PHAX: variants seen among roughly 807,000 people sequenced by gnomAD.
PHAX encodes phosphorylated adapter RNA export protein.
Under a neutral mutation model 41.6 loss-of-function variants are expected in PHAX, and 31 were observed. The ratio of observed to expected loss-of-function variants is 0.75; its 90% CI spans 0.56 to 1.01. PHAX has a LOEUF of 1.01. Ranked by LOEUF, PHAX falls within the 50% of genes least tolerant of loss-of-function variation. The probability of loss-of-function intolerance (pLI) is 0.00; values close to 1 mark genes in which losing one functional copy is unlikely to be tolerated. For synonymous variants in PHAX, 175 were observed against 164.9 expected, an observed-to-expected ratio of 1.06 and a Z score of -0.47; for missense variants, 453 against 472.9, an observed-to-expected ratio of 0.96 and a Z score of 0.39.
intron 1 of PHAX, among the ~76,000 whole-genome samples, chr5:126,601,277 C>T (rs972931575): frequency 3.3e-5 from 5 of 152,160 alleles, no homozygotes; most frequent in African/African-American, 1.2e-4. Context: ...CGAGGGGCGA[C>T]GGCGGCAGCG....
chr5:126,623,913 G>A (rs1253345299), intron 4 of PHAX, among the ~76,000 whole-genome samples: 5 of 151,628 alleles, frequency 3.3e-5, no homozygotes, highest in African/African-American at 1.2e-4. Context: ...TTAAACCTTT[G>A]AACCGTCTCT....
At chr5:126,604,784 C>T (rs1054568129) in intron 2 of PHAX, among the ~76,000 whole-genome samples, 3 of 151,968 alleles carry the variant, frequency 2.0e-5, no homozygotes, top group African/African-American at 4.8e-5. Flanking sequence ...GCTTGTAATC[C>T]CAGCACTTTG....
In PHAX at chr5:126,624,643, A is replaced by G. The variant is rs756123790; in HGVS notation, c.984A>G (p.Gln328=). ...NKKAARKRRT[Q]VLGKKMKQAI... ...AAGCTGCTAGGAAGAGGAGAACACA[A>G]GTGTTGGGGAAAAAGATGAAACAAG... Residue 328 remains glutamine (Q), a synonymous_variant, in exon 5 of 5, where the codon CAA becomes CAG. Coordinates refer to ENST00000297540, the MANE Select transcript of PHAX (RefSeq NM_032177.4). The G allele has an allele frequency of 6.8e-6, 11 of 1,613,390 alleles. No individual in the cohort carries two copies. Among genetic ancestry groups the G allele is most frequent in the Non-Finnish European group, 9.3e-6 (11 of 1,179,386 alleles).
chr5:126,613,509 C>G (rs1752137454), intron 3 of PHAX, among the ~76,000 whole-genome samples: 1 of 151,938 alleles, frequency 6.6e-6, no homozygotes, highest in Non-Finnish European at 1.5e-5. Context: ...AACCTTATCT[C>G]TACCAAAAAA....
At chr5:126,602,690 G>T (rs1006870508) in intron 1 of PHAX, among the ~76,000 whole-genome samples, 57 of 152,142 alleles carry the variant, frequency 3.7e-4, no homozygotes, top group African/African-American at 1.3e-3. Flanking sequence ...ACTTAATGCC[G>T]TGGACTCTGG....
intron 3 of PHAX, 146 bp from the exon 4 acceptor site, chr5:126,617,104 G>T (rs1174709515): frequency 4.4e-6 from 2 of 457,664 alleles, no homozygotes; most frequent in East Asian, 3.4e-5. Context: ...ATTTACTCAT[G>T]TTACCTATTT....
At chr5:126,609,802 C>T (rs1421563591) in intron 3 of PHAX, among the ~76,000 whole-genome samples, 11 of 151,944 alleles carry the variant, frequency 7.2e-5, no homozygotes, top group East Asian at 3.9e-4. Context: ...TGCAGTGGCA[C>T]GATCTCAGCT....
intron 4 of PHAX, 48 bp downstream of exon 4, chr5:126,617,381 T>TAA (rs1172078431): frequency 9.2e-7 from 1 of 1,092,852 alleles, no homozygotes; most frequent in East Asian, 2.4e-5. Context: ...ATTTGACTTC[T>TAA]ACTCACCCTC....
At chr5:126,603,499 A>G (rs1038855801) in intron 1 of PHAX, 71 bp from the exon 2 acceptor site, 2 of 1,501,868 alleles carry the variant, frequency 1.3e-6, no homozygotes, top group African/African-American at 2.8e-5. Context: ...TTGAATCTCT[A>G]AATTTTTAAA....
intron 2 of PHAX, among the ~76,000 whole-genome samples, chr5:126,605,011 G>T (rs1387306091): frequency 6.6e-6 from 1 of 151,714 alleles, no homozygotes; most frequent in Non-Finnish European, 1.5e-5. Flanking sequence ...TCCAGCCTGG[G>T]TGACAGAACT....
At chr5:126,607,949 C>T (rs1283060665) in intron 2 of PHAX, among the ~76,000 whole-genome samples, 1 of 152,098 alleles carries the variant, frequency 6.6e-6, no homozygotes, top group Non-Finnish European at 1.5e-5. Flanking sequence ...AGGGAAAGGT[C>T]CTATCCCATT....
chr5:126,615,435 G>T (rs1372740881), intron 3 of PHAX, among the ~76,000 whole-genome samples: 3 of 148,722 alleles, frequency 2.0e-5, no homozygotes, highest in African/African-American at 5.0e-5. Flanking sequence ...ACATTGCTTT[G>T]TTTCAGCTTC....
Position 126,624,612 on chromosome 5 carries a change from A to T in PHAX, c.953A>T (p.Asn318Ile), listed in dbSNP as rs1581424381. The change falls in exon 5 of 5, where the codon AAT becomes ATT. Residue 318 changes from asparagine to isoleucine, a missense_variant. Transcript: ENST00000297540. Reference sequence around the variant, plus strand: ...ATTGAAAACCAAAAGGAATATGAAAATAAAAAAGCTGCTAGGAAGAGGAGA... The same window carrying T: ...ATTGAAAACCAAAAGGAATATGAAATTAAAAAAGCTGCTAGGAAGAGGAGA... ...FYIENQKEYENKKAARKRRTQ... is the reference protein window; with the variant it reads ...FYIENQKEYEIKKAARKRRTQ... 7 of 1,602,742 alleles carry T rather than the reference A, an allele frequency of 4.4e-6. No individual in the cohort carries two copies. In the East Asian group the frequency reaches 1.6e-4, roughly 36 times the overall value.
At chr5:126,624,296 A>G (rs1304868884) in intron 4 of PHAX, among the ~76,000 whole-genome samples, 2 of 152,134 alleles carry the variant, frequency 1.3e-5, no homozygotes, top group African/African-American at 4.8e-5. Flanking sequence ...GGCATGAGTC[A>G]CCATGCCCAG....
intron 4 of PHAX, among the ~76,000 whole-genome samples, chr5:126,617,788 A>C (rs922394082): frequency 7.2e-5 from 11 of 152,108 alleles, no homozygotes; most frequent in Non-Finnish European, 1.3e-4. Flanking sequence ...CCAGCCTTTT[A>C]TTCTTTGTAG....
chr5:126,618,200 A>C (rs1752217748), intron 4 of PHAX, among the ~76,000 whole-genome samples: 1 of 152,180 alleles, frequency 6.6e-6, no homozygotes, highest in African/African-American at 2.4e-5. Flanking sequence ...TCAGCCTCCC[A>C]GAGTGTTGGG....
At chr5:126,624,097 C>T (rs182073056) in intron 4 of PHAX, among the ~76,000 whole-genome samples, 148 of 148,532 alleles carry the variant, frequency 1.0e-3, no homozygotes, top group African/African-American at 3.3e-3. Flanking sequence ...CAACCTCTGT[C>T]TCCTGGGTTC....
intron 3 of PHAX, among the ~76,000 whole-genome samples, chr5:126,609,982 C>T (rs1752055341): frequency 6.6e-6 from 1 of 152,206 alleles, no homozygotes; most frequent in Admixed American, 6.5e-5. Flanking sequence ...GGCAATCCGC[C>T]TGCCTCGGCC....
chr5:126,609,157 G>C (rs970712625), intron 3 of PHAX, among the ~76,000 whole-genome samples: 20 of 134,884 alleles, frequency 1.5e-4, no homozygotes, highest in Non-Finnish European at 3.0e-4. Context: ...CTGGAGTGCA[G>C]TGGCGCAATC....
Sources: allele counts gnomAD v4.1 joint callset (sites outside exome capture counted in the v4.1 genomes callset), GRCh38; gene constraint gnomAD v4.1.1; transcripts MANE v1.5; gene names NCBI Gene and HGNC (gene_info 2026-07-23, HGNC 2026-07-21).